IL1RAPL1: variants seen among roughly 807,000 people sequenced by gnomAD.
The protein encoded by IL1RAPL1 is interleukin-1 receptor accessory protein-like 1.
Under a neutral mutation model 48.4 loss-of-function variants are expected in IL1RAPL1, and 3 were observed. That is an observed-to-expected ratio of 0.06 (90% confidence interval 0.03 to 0.16). The LOEUF is 0.16. Among genes scored for constraint, IL1RAPL1 ranks in the 10% least tolerant of loss-of-function variants. The pLI, the probability that IL1RAPL1 is intolerant of heterozygous loss-of-function variation, is 1.00. For missense variants in IL1RAPL1, 349 were observed against 530.6 expected, an observed-to-expected ratio of 0.66 and a Z score of 3.36; for synonymous variants, 185 against 187.7, an observed-to-expected ratio of 0.99 and a Z score of 0.12.
intron 2 of IL1RAPL1, among the ~76,000 whole-genome samples, chrX:29,163,747 G>T (rs1318687104): frequency 9.0e-6 from 1 of 111,350 alleles, no homozygotes; most frequent in Non-Finnish European, 1.9e-5. Context: ...AATGAGAAAT[G>T]TGTCCTTTAC....
intron 3 of IL1RAPL1, among the ~76,000 whole-genome samples, chrX:29,320,014 A>AG (rs972347390): frequency 5.4e-5 from 6 of 112,107 alleles, no homozygotes; most frequent in African/African-American, 1.9e-4. Context: ...GGGAGACAAC[A>AG]GGGGAGTCAG....
chrX:29,080,994 TTCTCTCTCTCTC>T (rs201299964), intron 2 of IL1RAPL1, among the ~76,000 whole-genome samples: 4 of 26,439 alleles, frequency 1.5e-4, no homozygotes, highest in African/African-American at 4.3e-4. Flanking sequence ...CTTTCTTTCT[TTCTCTCTCTCTC>T]TCTCTCTCTC....
At chrX:29,524,317 G>A (rs1223843751) in intron 5 of IL1RAPL1, among the ~76,000 whole-genome samples, 2 of 109,531 alleles carry the variant, frequency 1.8e-5, no homozygotes, top group African/African-American at 3.3e-5. Context: ...GTCATAAGAA[G>A]AGATATATTT....
At chrX:29,888,830 G>A (rs949108843) in intron 6 of IL1RAPL1, among the ~76,000 whole-genome samples, 2 of 111,602 alleles carry the variant, frequency 1.8e-5, no homozygotes, top group African/African-American at 6.5e-5. Flanking sequence ...TCTGAATCGA[G>A]TGACTGGTTG....
In IL1RAPL1 at chrX:28,597,233, A is replaced by G. The variant is rs7876545; in HGVS notation, c.-25+9186A>G. On this transcript the variant is annotated intron_variant, in intron 1 of 10. Transcript: ENST00000378993. ...TGCATGAGCTTAAGGAAAACAGAACATTTCATGACCCGCTCAGATTTATGC... is the reference window on the plus strand; with the variant it reads ...TGCATGAGCTTAAGGAAAACAGAACGTTTCATGACCCGCTCAGATTTATGC... Among the ~76,000 whole-genome samples, 417 of 111,557 alleles carry G rather than the reference A, an allele frequency of 3.7e-3. 2 individuals are homozygous for G. Among genetic ancestry groups the G allele is most frequent in the African/African-American group, 0.013 (406 of 30,698 alleles).
intron 2 of IL1RAPL1, among the ~76,000 whole-genome samples, chrX:28,926,455 A>G (rs1425139850): frequency 9.0e-6 from 1 of 110,837 alleles, no homozygotes; most frequent in Non-Finnish European, 1.9e-5. Flanking sequence ...AATTATTGAT[A>G]TGGCACTGTA....
intron 2 of IL1RAPL1, among the ~76,000 whole-genome samples, chrX:29,074,229 TA>T (rs1467901605): frequency 1.8e-5 from 2 of 111,344 alleles, no homozygotes; most frequent in Non-Finnish European, 3.8e-5. Context: ...ACTTCCCACT[TA>T]TTGAACTCAA....
rs192279795 is a variant in IL1RAPL1, at chrX:29,653,216, A to G, written c.704-15214A>G. On this transcript the variant is annotated intron_variant, in intron 5 of 10. Transcript: ENST00000378993. The stretch of plus-strand genomic sequence containing the variant: ...ATTTTTTAAATTAACTCTTGTTAGT[A>G]TGGACAATTTTAGCTATAATATTCA... 2.3e-3 allele frequency among the ~76,000 whole-genome samples: 253 copies of G among 112,391 alleles called. 1 individual carries two copies. Among genetic ancestry groups the G allele is most frequent in the African/African-American group, 7.7e-3 (238 of 31,048 alleles).
chrX:29,658,096 A>G (rs1266997845), intron 5 of IL1RAPL1, among the ~76,000 whole-genome samples: 1 of 112,029 alleles, frequency 8.9e-6, no homozygotes. Flanking sequence ...TACTGCAGTA[A>G]TTGTTTTAAA....
At chrX:29,489,473 C>T (rs1179528088) in intron 5 of IL1RAPL1, among the ~76,000 whole-genome samples, 1 of 111,770 alleles carries the variant, frequency 8.9e-6, no homozygotes, top group Non-Finnish European at 1.9e-5. Flanking sequence ...ATGTCATACA[C>T]AAAAATTATT....
chrX:28,849,185 A>G lies in IL1RAPL1; in HGVS notation c.82+59760A>G, dbSNP rs1010949317. Among the ~76,000 whole-genome samples, 3 of 110,281 alleles carry G rather than the reference A, an allele frequency of 2.7e-5. No individual in the cohort carries two copies. The South Asian group carries it at 1.1e-3, about 42-fold the overall frequency. The stretch of plus-strand genomic sequence containing the variant: ...ATTCAAAGCAGAATGTTTCAAAAAG[A>G]CTCTACTTCTGAAAAGGGGAAAAAA... On this transcript the variant is annotated intron_variant, in intron 2 of 10. Transcript: ENST00000378993.
rs769216327 is a variant in IL1RAPL1, at chrX:29,381,141, A to G, written c.363-15117A>G. On this transcript the variant is annotated intron_variant, in intron 3 of 10. Coordinates refer to ENST00000378993, the MANE Select transcript of IL1RAPL1 (RefSeq NM_014271.4). The stretch of plus-strand genomic sequence containing the variant: ...AAGTTTTTGTTAGTGTTGAGAAAGA[A>G]GTGAGTTACAGGTTAAAATAGAGGA... Among the ~76,000 whole-genome samples the G allele has an allele frequency of 2.7e-5, 3 of 110,706 alleles. No individual in the cohort carries two copies. In the South Asian group the frequency reaches 1.2e-3, roughly 43 times the overall value.
At chrX:29,595,339 G>A (rs761661635) in intron 5 of IL1RAPL1, among the ~76,000 whole-genome samples, 1 of 112,084 alleles carries the variant, frequency 8.9e-6, no homozygotes, top group African/African-American at 3.2e-5. Flanking sequence ...GGTCGTACTA[G>A]TTTATATTCC....
chrX:29,160,968 G>A (rs1160661372), intron 2 of IL1RAPL1, among the ~76,000 whole-genome samples: 1 of 111,194 alleles, frequency 9.0e-6, no homozygotes, highest in African/African-American at 3.3e-5. Context: ...TGAGGCAGGA[G>A]AATCGCTTGA....
chrX:29,392,505 T>G (rs2147683206), intron 3 of IL1RAPL1, among the ~76,000 whole-genome samples: 1 of 112,722 alleles, frequency 8.9e-6, no homozygotes, highest in South Asian at 3.6e-4. Context: ...GATACTACTT[T>G]ATTTTTAGCT....
At chrX:28,984,147 A>T (rs1236337082) in intron 2 of IL1RAPL1, among the ~76,000 whole-genome samples, 1 of 112,147 alleles carries the variant, frequency 8.9e-6, no homozygotes, top group Non-Finnish European at 1.9e-5. Context: ...TATGGAAGCA[A>T]CTAGCTACAT....
chrX:28,810,374 T>C (rs1363308228), intron 2 of IL1RAPL1, among the ~76,000 whole-genome samples: 1 of 110,803 alleles, frequency 9.0e-6, no homozygotes, highest in Non-Finnish European at 1.9e-5. Flanking sequence ...ATGAGTGTGA[T>C]TTCATGGGAG....
intron 6 of IL1RAPL1, among the ~76,000 whole-genome samples, chrX:29,894,648 G>A (rs959770291): frequency 1.8e-5 from 2 of 111,576 alleles, no homozygotes; most frequent in African/African-American, 6.5e-5. Flanking sequence ...ACCTTTTTAC[G>A]AGATTATAAC....
At chrX:28,634,065 G>A (rs1214596146) in intron 1 of IL1RAPL1, among the ~76,000 whole-genome samples, 1 of 110,060 alleles carries the variant, frequency 9.1e-6, no homozygotes, top group African/African-American at 3.3e-5. Context: ...GAGCGCAGTG[G>A]TGCTATCTAT....
Sources: gnomAD v4.1 joint callset for allele counts (sites outside exome capture counted in the v4.1 genomes callset) on GRCh38, gnomAD v4.1.1 for gene constraint, MANE v1.5 for transcripts, NCBI Gene and HGNC (gene_info 2026-07-23, HGNC 2026-07-21) for gene names.